PREX2: variants seen among roughly 807,000 people sequenced by gnomAD.
PREX2 encodes phosphatidylinositol-3,4,5-trisphosphate dependent Rac exchange factor 2, also known as phosphatidylinositol 3,4,5-trisphosphate-dependent Rac exchanger 2 protein.
PREX2 carries 107 observed loss-of-function variants against 203.2 expected under a neutral mutation model. That is an observed-to-expected ratio of 0.53 (90% CI 0.45 to 0.62). The LOEUF (loss-of-function observed/expected upper bound fraction) is 0.62. Ranked by LOEUF, PREX2 falls within the 20% of genes least tolerant of loss-of-function variation. PREX2 has a pLI of 0.00. For missense variants in PREX2, 1,777 were observed against 1,955.9 expected, an observed-to-expected ratio of 0.91 and a Z score of 1.72; for synonymous variants, 672 against 663.6, an observed-to-expected ratio of 1.01 and a Z score of -0.19.
At chr8:68,151,450 G>C (rs1055684205) in intron 34 of PREX2, among the ~76,000 whole-genome samples, 8 of 152,100 alleles carry the variant, frequency 5.3e-5, no homozygotes, top group Non-Finnish European at 8.8e-5. Flanking sequence ...GGCCACATTT[G>C]TAGGCCCCAA....
At chr8:68,222,718 A>C (rs1812978894) in intron 38 of PREX2, among the ~76,000 whole-genome samples, 1 of 152,122 alleles carries the variant, frequency 6.6e-6, no homozygotes, top group African/African-American at 2.4e-5. Context: ...CCAAAAAAAA[A>C]AAAAAAGCAA....
intron 1 of PREX2, among the ~76,000 whole-genome samples, chr8:67,981,914 G>A (rs944994534): frequency 6.6e-6 from 1 of 152,134 alleles, no homozygotes; most frequent in African/African-American, 2.4e-5. Flanking sequence ...AGCTATCAGG[G>A]ATTGAGTGCT....
chr8:68,201,185 C>T lies in PREX2; in HGVS notation c.4604+8660C>T, dbSNP rs568069439. Among the ~76,000 whole-genome samples the T allele has an allele frequency of 1.1e-4, 17 of 152,002 alleles. No individual in the cohort carries two copies. The South Asian group carries it at 3.5e-3, about 32-fold the overall frequency. On this transcript the variant is annotated intron_variant, in intron 37 of 39. Coordinates refer to ENST00000288368, the MANE Select transcript of PREX2 (RefSeq NM_024870.4). ...TCTGTGGTTAGGGGTTTTTTAACTA[C>T]TCTAATAAGTGACGTAAGATAAATT...
In PREX2 at chr8:68,089,134, C is replaced by CA. The variant is rs2129612166; in HGVS notation, c.2113+1326dup. The stretch of plus-strand genomic sequence containing the variant: ...AGCATCCCCAGGCTCCCCTGCCTCC[C>CA]ACCCTCAGCTGCATTCTAGCTACTG... On this transcript the variant is annotated intron_variant, in intron 19 of 39. Transcript: ENST00000288368. 2.0e-5 allele frequency among the ~76,000 whole-genome samples: 3 copies of CA among 152,052 alleles called. No homozygotes were observed. The South Asian group carries it at 6.3e-4, about 32-fold the overall frequency.
intron 18 of PREX2, among the ~76,000 whole-genome samples, chr8:68,086,270 G>A (rs1258320298): frequency 3.3e-5 from 5 of 152,108 alleles, no homozygotes; most frequent in African/African-American, 1.2e-4. Flanking sequence ...CTGAATGCCT[G>A]CCTAGGTTAT....
chr8:68,158,394 C>G (rs1003183666), intron 35 of PREX2, among the ~76,000 whole-genome samples: 3 of 151,916 alleles, frequency 2.0e-5, no homozygotes, highest in African/African-American at 7.3e-5. Flanking sequence ...TTTATTTGGG[C>G]CAAGCTTGAG....
In PREX2 at chr8:68,090,819, A is replaced by G. The variant is rs879408841; in HGVS notation, c.2250+104A>G. The G allele has an allele frequency of 4.8e-4, 414 of 869,730 alleles. 1 individual carries two copies. The highest frequency in any genetic ancestry group is 6.5e-4 in the Non-Finnish European group (380 of 588,314). 53.9% of individuals were successfully genotyped at this position (869,730 alleles called of 1,614,324 possible). On this transcript the variant is annotated intron_variant, in intron 20 of 39. Transcript: ENST00000288368. ...GAGATATTTGTGGTTTCCAATTTTA[A>G]GTTTAAAATTAAACACAGCATTATA...
At chr8:68,191,392 G>C (rs1007881144) in intron 35 of PREX2, among the ~76,000 whole-genome samples, 9 of 152,116 alleles carry the variant, frequency 5.9e-5, no homozygotes, top group Admixed American at 1.3e-4. Context: ...GCTGTGCACT[G>C]TTCTACATAT....
At chr8:68,066,316 G>C (rs1175220542) in intron 11 of PREX2, among the ~76,000 whole-genome samples, 1 of 151,944 alleles carries the variant, frequency 6.6e-6, no homozygotes, top group Non-Finnish European at 1.5e-5. Context: ...TTCCAAAATG[G>C]CTATATGAAT....
intron 35 of PREX2, among the ~76,000 whole-genome samples, chr8:68,173,389 C>T (rs1478544203): frequency 2.0e-5 from 3 of 152,136 alleles, no homozygotes; most frequent in Admixed American, 1.3e-4. Flanking sequence ...ATTGTAGTGA[C>T]ACTTTGAAAA....
rs1807449484 is a variant in PREX2, at chr8:68,017,847, C to T, written c.143C>T (p.Ala48Val). The part of the protein sequence containing the change: ...YVGTLEFLVS[A>V]FLHRMNQCAA... ...ATAATGTCTTCTTGTTTCATGCAGG[C>T]ATTCTTACACAGAATGAACCAGTGT... is the stretch of plus-strand genomic sequence containing the variant. The change falls in exon 2 of 40, where the codon GCA becomes GTA. Residue 48 changes from alanine to valine, a missense_variant and splice_region_variant. Ala to Val is a moderately conservative substitution (Grantham distance 64). Transcript: ENST00000288368. 1 of 1,611,404 alleles carries T rather than the reference C, an allele frequency of 6.2e-7. No individual in the cohort carries two copies. The highest frequency in any genetic ancestry group is 1.7e-5 in the Admixed American group (1 of 59,994).
At chr8:68,065,953 T>A (rs1477444827) in intron 11 of PREX2, among the ~76,000 whole-genome samples, 12 of 152,180 alleles carry the variant, frequency 7.9e-5, no homozygotes, top group Non-Finnish European at 1.6e-4. Flanking sequence ...CAACATGTTT[T>A]GAAATATGTG....
intron 9 of PREX2, 34 bp downstream of exon 9, chr8:68,053,280 T>C: frequency 6.2e-7 from 1 of 1,609,206 alleles, no homozygotes; most frequent in Non-Finnish European, 8.5e-7. Flanking sequence ...TTACACTTTG[T>C]GAAGACTCTA....
At chr8:68,138,010 G>A (rs1811147497) in intron 32 of PREX2, among the ~76,000 whole-genome samples, 2 of 152,216 alleles carry the variant, frequency 1.3e-5, no homozygotes, top group Admixed American at 1.3e-4. Context: ...TAGCTATTAT[G>A]TAGTTTGTCT....
At chr8:68,054,106 C>T (rs369209463) in intron 9 of PREX2, among the ~76,000 whole-genome samples, 1 of 152,168 alleles carries the variant, frequency 6.6e-6, no homozygotes, top group Non-Finnish European at 1.5e-5. Context: ...CAGATGTTTT[C>T]CCCTGAAGAA....
chr8:67,952,345 G>T lies in PREX2; in HGVS notation c.-50G>T. On this transcript the variant is annotated 5_prime_UTR_variant, in exon 1 of 40. Transcript: ENST00000288368. ...GGGCCGGGCAGCAGCGGGCGCGCGGGTCAGCGCTCAGCACGGCGGGCAGCG... is the reference window on the plus strand; with the variant it reads ...GGGCCGGGCAGCAGCGGGCGCGCGGTTCAGCGCTCAGCACGGCGGGCAGCG... 1.4e-6 allele frequency: 2 copies of T among 1,418,710 alleles called. No individual in the cohort carries two copies. Among genetic ancestry groups the T allele is most frequent in the Non-Finnish European group, 1.8e-6 (2 of 1,092,556 alleles). The allele number at this position is 1,418,710 out of a possible 1,614,324, so 87.9% of individuals were successfully genotyped here.
intron 33 of PREX2, among the ~76,000 whole-genome samples, chr8:68,141,142 G>T (rs1811222050): frequency 6.6e-6 from 1 of 152,144 alleles, no homozygotes; most frequent in African/African-American, 2.4e-5. Context: ...GAAATACGAG[G>T]TGCTTCACAC....
At chr8:68,101,511 A>G in intron 23 of PREX2, 1 of 515,062 alleles carries the variant, frequency 1.9e-6, no homozygotes, top group Non-Finnish European at 3.9e-6. Context: ...GGAAGATTCC[A>G]TGAATGTACC....
chr8:68,144,361 T>G (rs1811285506), intron 33 of PREX2, among the ~76,000 whole-genome samples: 1 of 152,170 alleles, frequency 6.6e-6, no homozygotes, highest in Non-Finnish European at 1.5e-5. Context: ...CTTAAAAATT[T>G]TTTTCATCAG....
Sources: allele counts gnomAD v4.1 joint callset (sites outside exome capture counted in the v4.1 genomes callset), GRCh38; gene constraint gnomAD v4.1.1; transcripts MANE v1.5; gene names NCBI Gene and HGNC (gene_info 2026-07-23, HGNC 2026-07-21).